Variants in MYL4 observed in about 807,000 individuals in gnomAD.
The protein encoded by MYL4 is myosin light chain 4.
Under a neutral mutation model 21.6 loss-of-function variants are expected in MYL4, and 16 were observed. That is an observed-to-expected ratio of 0.74 (90% CI 0.50 to 1.12). The LOEUF (loss-of-function observed/expected upper bound fraction) is 1.12, where lower values mean the gene tolerates loss of function less well. MYL4 is among the 50% of genes most tolerant of loss of function. The probability of loss-of-function intolerance (pLI) is 0.00; values close to 1 mark genes in which losing one functional copy is unlikely to be tolerated. For missense variants in MYL4, 249 were observed against 252.9 expected (o/e 0.98, Z 0.11); for synonymous variants, 82 against 95.7 (o/e 0.86, Z 0.83).
intron 4 of MYL4, 73 bp downstream of exon 4, chr17:47,221,928 C>A: frequency 6.6e-7 from 1 of 1,521,424 alleles, no homozygotes. Context: ...GTGACATATG[C>A]TGGTTGGGTG....
At chr17:47,222,227 C>T (rs941525863) in intron 4 of MYL4, 153 bp from the exon 5 acceptor site, 1 of 748,322 alleles carries the variant, frequency 1.3e-6, no homozygotes, top group African/African-American at 1.7e-5. Flanking sequence ...CCCTTGGCCG[C>T]ACCCTTCAGA....
At chr17:47,216,700 T>TC (rs1348697496) in intron 2 of MYL4, among the ~76,000 whole-genome samples, 1 of 141,606 alleles carries the variant, frequency 7.1e-6, no homozygotes, top group East Asian at 2.0e-4. Context: ...TTTTTCTTTC[T>TC]TTTTTTTTTT....
upstream of MYL4, among the ~76,000 whole-genome samples, chr17:47,208,182 A>G (rs2064741991): frequency 6.6e-6 from 1 of 152,166 alleles, no homozygotes; most frequent in South Asian, 2.1e-4. Context: ...TGGAAGACCG[A>G]GGCTAGTGGA....
upstream of MYL4, among the ~76,000 whole-genome samples, chr17:47,199,737 C>CTTTTTTT (rs33975035): frequency 2.0e-5 from 2 of 101,278 alleles, no homozygotes; most frequent in Non-Finnish European, 3.7e-5. Context: ...GTAGTAAAGT[C>CTTTTTTT]TTTTTTTTTT....
chr17:47,224,401 G>T (rs575325838), downstream of MYL4, among the ~76,000 whole-genome samples: 2 of 152,236 alleles, frequency 1.3e-5, no homozygotes, highest in African/African-American at 4.8e-5. Context: ...CTCCTACTGG[G>T]TCCCTCCCAC....
At chr17:47,213,743 G>C (rs202234785) in intron 1 of MYL4, 56 bp from the exon 2 acceptor site, 1 of 1,498,666 alleles carries the variant, frequency 6.7e-7, no homozygotes, top group African/African-American at 1.4e-5. Context: ...CCTTTGGGGG[G>C]CCTTTACAAC....
At chr17:47,204,637 C>T (rs371264759), upstream of MYL4, among the ~76,000 whole-genome samples, 25 of 151,700 alleles carry the variant, frequency 1.6e-4, no homozygotes, top group African/African-American at 4.4e-4. Context: ...GAGACTGAGG[C>T]GGGAGAATCA....
At chr17:47,226,907 T>C (rs2064887723), downstream of MYL4, among the ~76,000 whole-genome samples, 1 of 152,170 alleles carries the variant, frequency 6.6e-6, no homozygotes. Flanking sequence ...CAGGCTGGAG[T>C]GCAGTGGCAC....
downstream of MYL4, among the ~76,000 whole-genome samples, chr17:47,226,958 G>A (rs1488204098): frequency 6.6e-6 from 1 of 152,104 alleles, no homozygotes; most frequent in South Asian, 2.1e-4. Context: ...AGGTTCAAGC[G>A]ATTCTCCTGC....
chr17:47,221,936 G>A (rs1330128303), intron 4 of MYL4, 81 bp downstream of exon 4: 3 of 1,479,854 alleles, frequency 2.0e-6, no homozygotes, highest in Non-Finnish European at 2.7e-6. Context: ...TGCTGGTTGG[G>A]TGGGGGGTGG....
At chr17:47,216,146 G>A (rs2064812294) in intron 2 of MYL4, among the ~76,000 whole-genome samples, 1 of 149,462 alleles carries the variant, frequency 6.7e-6, no homozygotes, top group African/African-American at 2.5e-5. Flanking sequence ...CCCTTGGCTT[G>A]CTTCTCATCC....
chr17:47,194,280 A>T, the MYL4 span, among the ~76,000 whole-genome samples: 1 of 152,214 alleles, frequency 6.6e-6, no homozygotes, highest in Non-Finnish European at 1.5e-5. Context: ...AAAAGATTAG[A>T]TAAGGGTTAG....
intron 1 of MYL4, among the ~76,000 whole-genome samples, chr17:47,202,892 C>T (rs112116653): frequency 0.016 from 2,471 of 152,180 alleles, 56 homozygotes; most frequent in African/African-American, 0.056. Context: ...GCATAAATTC[C>T]TTCACCTATC....
At chr17:47,206,143 C>G (rs2064727428), upstream of MYL4, among the ~76,000 whole-genome samples, 1 of 152,124 alleles carries the variant, frequency 6.6e-6, no homozygotes, top group African/African-American at 2.4e-5. Flanking sequence ...CTACTAAGGC[C>G]TAGATTAGAA....
In MYL4 at chr17:47,209,394, T is replaced by G. The variant is rs1323052610; in HGVS notation, c.-29T>G. 6.2e-7 allele frequency: 1 copy of G among 1,614,072 alleles called. No homozygotes were observed. Among genetic ancestry groups the G allele is most frequent in the South Asian group, 1.1e-5 (1 of 91,078 alleles). ...GTCTCTCGGTTTCTTCTTAGATCAC[T>G]CCTCTGCCAAAGATCCCAACAAGAC... On this transcript the variant is annotated 5_prime_UTR_variant, in exon 1 of 7. Coordinates refer to ENST00000393450, the MANE Select transcript of MYL4 (RefSeq NM_002476.2).
chr17:47,223,747 G>C (rs1286819651), downstream of MYL4: 1 of 152,134 alleles, frequency 6.6e-6, no homozygotes, highest in Non-Finnish European at 1.5e-5. Flanking sequence ...TTGTGTGTGT[G>C]TGTGTGAGAG....
At chr17:47,207,624 A>C (rs2064736917), upstream of MYL4, among the ~76,000 whole-genome samples, 1 of 152,224 alleles carries the variant, frequency 6.6e-6, no homozygotes, top group Admixed American at 6.5e-5. Flanking sequence ...AGAAAGGCGA[A>C]GTGATTTTTT....
intron 1 of MYL4, among the ~76,000 whole-genome samples, chr17:47,202,185 C>T (rs1299924894): frequency 2.0e-5 from 3 of 152,162 alleles, no homozygotes; most frequent in Non-Finnish European, 4.4e-5. Context: ...GGGGTTTCAC[C>T]ATGTTGGCCA....
chr17:47,219,746 C>T (rs1008717688), intron 2 of MYL4, among the ~76,000 whole-genome samples, 158 bp from the exon 3 acceptor site: 9 of 152,098 alleles, frequency 5.9e-5, no homozygotes, highest in African/African-American at 1.9e-4. Context: ...GGGATGAGGA[C>T]GGGTTCGAGG....
Sources: gnomAD v4.1 joint callset for allele counts (sites outside exome capture counted in the v4.1 genomes callset) on GRCh38, gnomAD v4.1.1 for gene constraint, MANE v1.5 for transcripts, NCBI Gene and HGNC (gene_info 2026-07-23, HGNC 2026-07-21) for gene names.